The following KIAA1328 variants were observed in gnomAD, a reference collection of about 807,000 sequenced individuals.
KIAA1328 encodes protein hinderin.
A neutral mutation model predicts 68.1 loss-of-function variants in KIAA1328; 52 were observed. That is an observed-to-expected ratio of 0.76 (90% confidence interval 0.61 to 0.96). The LOEUF is 0.96. KIAA1328 is among the 40% of genes least tolerant of loss of function. The pLI is 0.00. For missense variants in KIAA1328, 641 were observed against 677.6 expected (o/e 0.95, Z 0.60); for synonymous variants, 232 against 239.4 (o/e 0.97, Z 0.28).
intron 7 of KIAA1328, among the ~76,000 whole-genome samples, chr18:37,121,569 G>T (rs1359431726): frequency 1.3e-5 from 2 of 152,028 alleles, no homozygotes; most frequent in African/African-American, 2.4e-5. Flanking sequence ...CACAAACATA[G>T]ATTTGAGGTA....
chr18:37,100,643 G>A (rs2057581963), intron 7 of KIAA1328, among the ~76,000 whole-genome samples: 1 of 152,206 alleles, frequency 6.6e-6, no homozygotes, highest in Non-Finnish European at 1.5e-5. Context: ...AGATTTAAAT[G>A]TCCCTGTCTG....
At chr18:36,876,498 T>C (rs1361165276) in intron 4 of KIAA1328, among the ~76,000 whole-genome samples, 1 of 152,214 alleles carries the variant, frequency 6.6e-6, no homozygotes, top group Non-Finnish European at 1.5e-5. Context: ...GTAATTTGTA[T>C]TTCTATGGGA....
rs547022318 is a variant in KIAA1328, at chr18:36,930,249, G to GTTCTGCA, written c.449-29039_449-29033dup. On this transcript the variant is annotated intron_variant, in intron 5 of 9. Coordinates refer to ENST00000280020, the MANE Select transcript of KIAA1328 (RefSeq NM_020776.3). ...GGCCTTTTCTTCCTCAGGGTTTCAG[G>GTTCTGCA]TTCTGCATTCTGCATTCTGCATTCT... Among the ~76,000 whole-genome samples, 288 of 152,160 alleles carry GTTCTGCA rather than the reference G, an allele frequency of 1.9e-3. 3 individuals carry two copies. Among genetic ancestry groups the GTTCTGCA allele is most frequent in the African/African-American group, 6.5e-3 (269 of 41,456 alleles).
intron 6 of KIAA1328, among the ~76,000 whole-genome samples, chr18:36,987,883 C>T (rs2053009446): frequency 6.6e-6 from 1 of 151,432 alleles, no homozygotes; most frequent in Admixed American, 6.6e-5. Context: ...CTTTAAGGTT[C>T]TAGCTGCCTG....
In KIAA1328 at chr18:37,207,322, C is replaced by A. The variant is rs538509617; in HGVS notation, c.1524-14695C>A. On this transcript the variant is annotated intron_variant, in intron 9 of 9. Transcript: ENST00000280020. ...CCATTTTGGCTATTGCAGCTTATGA[C>A]CACCCCTGGTTAGGTCGTTCCTGAC... Among the ~76,000 whole-genome samples the A allele has an allele frequency of 3.9e-5, 6 of 152,272 alleles. No individual in the cohort carries two copies. In the South Asian group the frequency reaches 1.2e-3, roughly 32 times the overall value.
At chr18:37,127,841 T>G (rs1177443617) in intron 7 of KIAA1328, among the ~76,000 whole-genome samples, 1 of 152,114 alleles carries the variant, frequency 6.6e-6, no homozygotes, top group Non-Finnish European at 1.5e-5. Flanking sequence ...AGTAATAAAG[T>G]TCAGTACTGA....
chr18:37,013,318 A>G (rs1370410246), intron 6 of KIAA1328, among the ~76,000 whole-genome samples: 1 of 152,204 alleles, frequency 6.6e-6, no homozygotes, highest in Non-Finnish European at 1.5e-5. Flanking sequence ...TTCCTCATAT[A>G]TAAAATGGTA....
At chr18:36,858,229 C>T (rs975347774) in intron 4 of KIAA1328, among the ~76,000 whole-genome samples, 1 of 152,120 alleles carries the variant, frequency 6.6e-6, no homozygotes, top group African/African-American at 2.4e-5. Context: ...TCTTGATAGA[C>T]TATTTTATCA....
chr18:36,996,618 C>G (rs1316108227), intron 6 of KIAA1328, among the ~76,000 whole-genome samples: 1 of 151,876 alleles, frequency 6.6e-6, no homozygotes, highest in Non-Finnish European at 1.5e-5. Flanking sequence ...CCAACCCTTG[C>G]CAAGAAGAAG....
chr18:36,838,643 C>T (rs2046757174), intron 3 of KIAA1328, among the ~76,000 whole-genome samples: 1 of 152,078 alleles, frequency 6.6e-6, no homozygotes, highest in East Asian at 1.9e-4. Context: ...TTTATTCCTC[C>T]TTATTTTTCT....
chr18:36,880,895 A>G (rs2048307389), intron 4 of KIAA1328, among the ~76,000 whole-genome samples: 1 of 152,172 alleles, frequency 6.6e-6, no homozygotes, highest in Admixed American at 6.5e-5. Flanking sequence ...TTCAACTGTT[A>G]ATCAAATCTT....
chr18:37,209,966 C>G (rs1275068905), intron 9 of KIAA1328, among the ~76,000 whole-genome samples: 3 of 152,046 alleles, frequency 2.0e-5, no homozygotes, highest in African/African-American at 7.2e-5. Flanking sequence ...AAGGACTGAG[C>G]CCTGGGGCAT....
At chr18:37,095,139 G>A (rs1376295163) in intron 7 of KIAA1328, among the ~76,000 whole-genome samples, 3 of 152,086 alleles carry the variant, frequency 2.0e-5, no homozygotes, top group Non-Finnish European at 4.4e-5. Context: ...CAATAGTTGG[G>A]AACTTCAACA....
intron 4 of KIAA1328, 49 bp downstream of exon 4, chr18:36,844,351 T>G: frequency 8.0e-7 from 1 of 1,242,402 alleles, no homozygotes; most frequent in South Asian, 1.5e-5. Context: ...AAGACAACTC[T>G]TATTGAAAAC....
rs555248055 is a variant in KIAA1328, at chr18:36,853,565, C to T, written c.332+9263C>T. Among the ~76,000 whole-genome samples, 17 of 152,258 alleles carry T rather than the reference C, an allele frequency of 1.1e-4. No homozygotes were observed. The South Asian group carries it at 3.5e-3, about 32-fold the overall frequency. On this transcript the variant is annotated intron_variant, in intron 4 of 9. Coordinates refer to ENST00000280020, the MANE Select transcript of KIAA1328 (RefSeq NM_020776.3). The stretch of plus-strand genomic sequence containing the variant: ...TTTTACCAACTTAGCTTCAATGGCA[C>T]ATTAAAAACTCTGCCTCTACACAGC...
At chr18:37,203,055 C>CT (rs1178760392) in intron 9 of KIAA1328, among the ~76,000 whole-genome samples, 55 of 142,376 alleles carry the variant, frequency 3.9e-4, no homozygotes, top group Middle Eastern at 3.7e-3. Flanking sequence ...CCCCCTTTTC[C>CT]TTTTTTTTTT....
chr18:37,178,087 A>G (rs1397415564), intron 9 of KIAA1328, among the ~76,000 whole-genome samples: 1 of 152,076 alleles, frequency 6.6e-6, no homozygotes, highest in Admixed American at 6.5e-5. Context: ...CTTTTGCACC[A>G]ACCTAATAAA....
chr18:37,029,124 T>A (rs980355161), intron 6 of KIAA1328, among the ~76,000 whole-genome samples: 3 of 152,162 alleles, frequency 2.0e-5, no homozygotes, highest in Admixed American at 1.3e-4. Flanking sequence ...TCTGGTAGAA[T>A]TCACCTGTGG....
At chr18:37,138,830 G>A (rs1046579574) in intron 7 of KIAA1328, among the ~76,000 whole-genome samples, 9 of 151,420 alleles carry the variant, frequency 5.9e-5, no homozygotes, top group African/African-American at 2.2e-4. Flanking sequence ...CCGACACATA[G>A]TAGGCTGTCA....
Sources: gnomAD v4.1 joint callset for allele counts (sites outside exome capture counted in the v4.1 genomes callset) on GRCh38, gnomAD v4.1.1 for gene constraint, MANE v1.5 for transcripts, NCBI Gene and HGNC (gene_info 2026-07-23, HGNC 2026-07-21) for gene names.